Variants in ACACA observed in about 807,000 individuals in gnomAD.
ACACA encodes acetyl-CoA carboxylase alpha, also known as acetyl-CoA carboxylase 1.
A neutral mutation model predicts 296.1 loss-of-function variants in ACACA; 103 were observed. That is an observed-to-expected ratio of 0.35 (90% CI 0.30 to 0.41). The LOEUF is 0.41. ACACA is among the 10% of genes least tolerant of loss of function. The pLI, the probability that ACACA is intolerant of heterozygous loss-of-function variation, is 1.00. For missense variants in ACACA, 1,554 were observed against 2,989.7 expected (o/e 0.52, Z 11.20); for synonymous variants, 953 against 1,038.6 (o/e 0.92, Z 1.58).
chr17:37,116,553 G>A (rs2074263221), intron 50 of ACACA, among the ~76,000 whole-genome samples: 1 of 152,162 alleles, frequency 6.6e-6, no homozygotes, highest in Non-Finnish European at 1.5e-5. Flanking sequence ...GAGCATCAGG[G>A]TTTGTTAAAG....
intron 45 of ACACA, among the ~76,000 whole-genome samples, chr17:37,137,944 T>A (rs2075399687): frequency 6.6e-6 from 1 of 152,234 alleles, no homozygotes; most frequent in Non-Finnish European, 1.5e-5. Flanking sequence ...CATATTTGCA[T>A]CTTATGCTGT....
intron 1 of ACACA, among the ~76,000 whole-genome samples, chr17:37,350,811 C>T (rs1046331206): frequency 6.6e-6 from 1 of 151,664 alleles, no homozygotes; most frequent in African/African-American, 2.4e-5. Context: ...TGTACTCCAA[C>T]GTACATGGCC....
chr17:37,163,250 C>T (rs2076539683), intron 41 of ACACA: 1 of 144,468 alleles, frequency 6.9e-6, no homozygotes, highest in Admixed American at 7.0e-5. Context: ...CTCTCTCTTG[C>T]TCCCTCTCAC....
chr17:37,131,518 C>A (rs898612311), intron 45 of ACACA, among the ~76,000 whole-genome samples: 1 of 152,100 alleles, frequency 6.6e-6, no homozygotes, highest in Admixed American at 6.5e-5. Context: ...TAAAAAATAA[C>A]GACAATACAA....
rs1473576688 is a variant in ACACA, at chr17:37,127,592, T to C, written c.5944+1773A>G. On this transcript the variant is annotated intron_variant, in intron 47 of 55. Coordinates refer to ENST00000616317, the MANE Select transcript of ACACA (RefSeq NM_198834.3). Reference sequence around the variant, plus strand: ...AAGACTGACAGGTGGCCGGGCGCGGTGGCTCACGCCTATAATCCCAGCACT... The same window carrying C: ...AAGACTGACAGGTGGCCGGGCGCGGCGGCTCACGCCTATAATCCCAGCACT... Among the ~76,000 whole-genome samples, 3 of 152,148 alleles carry C rather than the reference T, an allele frequency of 2.0e-5. No individual in the cohort carries two copies. In the East Asian group the frequency reaches 5.8e-4, roughly 29 times the overall value.
intron 22 of ACACA, among the ~76,000 whole-genome samples, chr17:37,242,482 C>G (rs2080463250): frequency 6.6e-6 from 1 of 152,192 alleles, no homozygotes; most frequent in African/African-American, 2.4e-5. Context: ...AACCTCAGCA[C>G]TTTGGGAGGC....
At chr17:37,124,250 G>A (rs75646700) in intron 48 of ACACA, among the ~76,000 whole-genome samples, 3,240 of 152,346 alleles carry the variant, frequency 0.021, 117 homozygotes, top group African/African-American at 0.074. Context: ...GAACTCGTCA[G>A]ATAGAAAGAA....
chr17:37,308,397 A>G (rs1463596422), intron 3 of ACACA, among the ~76,000 whole-genome samples: 2 of 152,214 alleles, frequency 1.3e-5, no homozygotes, highest in Non-Finnish European at 2.9e-5. Context: ...ATAAATTTCT[A>G]CTAAGACTGA....
intron 41 of ACACA, chr17:37,163,171 A>T (rs1443694706): frequency 6.8e-6 from 1 of 148,002 alleles, no homozygotes; most frequent in Non-Finnish European, 1.5e-5. Flanking sequence ...GTGTGGCTTA[A>T]ATTAACTCAA....
intron 41 of ACACA, among the ~76,000 whole-genome samples, chr17:37,167,434 T>C (rs1333138733): frequency 6.6e-6 from 1 of 151,640 alleles, no homozygotes; most frequent in Non-Finnish European, 1.5e-5. Context: ...TTATCCTGCC[T>C]CAGCCTCCCA....
chr17:37,287,671 G>A (rs1343260826), intron 3 of ACACA, among the ~76,000 whole-genome samples: 5 of 151,740 alleles, frequency 3.3e-5, no homozygotes, highest in Non-Finnish European at 7.4e-5. Context: ...TGAACCCAGG[G>A]GGCGGAGGTT....
chr17:37,216,189 CGTGT>C (rs1204339625), intron 29 of ACACA, among the ~76,000 whole-genome samples: 15 of 141,308 alleles, frequency 1.1e-4, no homozygotes, highest in Non-Finnish European at 2.1e-4. Context: ...CATACACACA[CGTGT>C]GTGTGTGTGT....
At chr17:37,275,408 A>G (rs753533420) in intron 8 of ACACA, among the ~76,000 whole-genome samples, 37 of 143,418 alleles carry the variant, frequency 2.6e-4, no homozygotes, top group Admixed American at 4.5e-4. Flanking sequence ...GAGGCAGAGA[A>G]TTGCTTGAAC....
intron 41 of ACACA, among the ~76,000 whole-genome samples, chr17:37,170,178 G>A (rs2076832660): frequency 6.6e-6 from 1 of 152,064 alleles, no homozygotes; most frequent in Non-Finnish European, 1.5e-5. Flanking sequence ...AAAAAGGGAA[G>A]AGGATGAAAA....
chr17:37,286,532 C>T (rs913058697), intron 3 of ACACA, among the ~76,000 whole-genome samples: 2 of 152,128 alleles, frequency 1.3e-5, no homozygotes, highest in East Asian at 1.9e-4. Context: ...TTCACCAAAC[C>T]GGAAGGCAGA....
chr17:37,323,183 G>A (rs2047436000), intron 3 of ACACA, among the ~76,000 whole-genome samples: 1 of 152,264 alleles, frequency 6.6e-6, no homozygotes, highest in Admixed American at 6.5e-5. Flanking sequence ...TGTTGCACCT[G>A]CCCATCTGCA....
Position 37,406,684 on chromosome 17 carries a change from CAA to C in ACACA, c.-387_-386del, listed in dbSNP as rs1271226572. The C allele has an allele frequency of 5.4e-6, 2 of 373,048 alleles. No individual in the cohort carries two copies. Among genetic ancestry groups the C allele is most frequent in the African/African-American group, 4.1e-5 (2 of 48,216 alleles). The allele number at this position is 373,048 out of a possible 1,614,324, so 23.1% of individuals were successfully genotyped here. A position where few individuals can be genotyped will look rare whatever the true frequency, so the allele number is the denominator to read the frequency against. Reference sequence around the variant, plus strand: ...CGGGCAAAGTGATTACTGGTCGGATCAAAAGTCAGGCAAGCGGCTCAGCCCCA... The same window carrying C: ...CGGGCAAAGTGATTACTGGTCGGATCAAGTCAGGCAAGCGGCTCAGCCCCA... On this transcript the variant is annotated 5_prime_UTR_variant, in exon 1 of 56. The change abolishes the stop of an existing upstream ORF in the 5' untranslated region. Transcript: ENST00000616317.
intron 15 of ACACA, 125 bp from the exon 16 acceptor site, chr17:37,252,233 C>T: frequency 1.3e-6 from 1 of 765,616 alleles, no homozygotes; most frequent in Non-Finnish European, 2.3e-6. Context: ...ATTCTCACTG[C>T]CCAACTGATT....
At chr17:37,256,569 C>T (rs1289111727) in intron 14 of ACACA, among the ~76,000 whole-genome samples, 1 of 152,120 alleles carries the variant, frequency 6.6e-6, no homozygotes, top group African/African-American at 2.4e-5. Flanking sequence ...CCCATCTCTA[C>T]AAAAAATTTA....
Sources: allele counts gnomAD v4.1 joint callset (sites outside exome capture counted in the v4.1 genomes callset), GRCh38; gene constraint gnomAD v4.1.1; transcripts MANE v1.5; gene names NCBI Gene and HGNC (gene_info 2026-07-23, HGNC 2026-07-21).